Variants in MACROD2 observed in about 807,000 individuals in gnomAD.
The protein encoded by MACROD2 is mono-ADP ribosylhydrolase 2.
In MACROD2, 36 loss-of-function variants were observed where a neutral mutation model predicts 70.4. The observed-to-expected ratio is 0.51, with a 90% confidence interval of 0.39 to 0.68. The LOEUF (loss-of-function observed/expected upper bound fraction) is 0.68. Ranked by LOEUF, MACROD2 falls within the 30% of genes least tolerant of loss-of-function variation. The pLI is 0.00. For missense variants in MACROD2, 496 were observed against 538.4 expected, an observed-to-expected ratio of 0.92 and a Z score of 0.78; for synonymous variants, 172 against 178.8, an observed-to-expected ratio of 0.96 and a Z score of 0.30.
chr20:15,372,977 C>T (rs2146264655), intron 6 of MACROD2, among the ~76,000 whole-genome samples: 1 of 152,130 alleles, frequency 6.6e-6, no homozygotes, highest in African/African-American at 2.4e-5. Flanking sequence ...GCTTGAGACC[C>T]AGAGATTGAG....
intron 5 of MACROD2, among the ~76,000 whole-genome samples, chr20:15,170,924 A>G (rs1344726173): frequency 6.6e-6 from 1 of 152,190 alleles, no homozygotes; most frequent in Non-Finnish European, 1.5e-5. Flanking sequence ...AGAGATTGGC[A>G]GGGCTGTTGA....
At chr20:14,761,804 G>A (rs749249868) in intron 5 of MACROD2, among the ~76,000 whole-genome samples, 4 of 152,062 alleles carry the variant, frequency 2.6e-5, no homozygotes, top group Admixed American at 6.5e-5. Context: ...TGTAGTCCCC[G>A]CACATAAACC....
chr20:14,800,451 T>A (rs1028511716), intron 5 of MACROD2, among the ~76,000 whole-genome samples: 28 of 152,106 alleles, frequency 1.8e-4, no homozygotes, highest in African/African-American at 6.8e-4. Context: ...TGGGTGAAAA[T>A]CATTGCCTAC....
intron 6 of MACROD2, among the ~76,000 whole-genome samples, chr20:15,315,772 G>A (rs1725998240): frequency 6.6e-6 from 1 of 152,102 alleles, no homozygotes; most frequent in Admixed American, 6.6e-5. Context: ...TAAATGCATA[G>A]GTAAATGTAA....
At chr20:15,275,956 T>C (rs2077387144) in intron 6 of MACROD2, among the ~76,000 whole-genome samples, 1 of 152,136 alleles carries the variant, frequency 6.6e-6, no homozygotes, top group African/African-American at 2.4e-5. Flanking sequence ...CAGAAACTTG[T>C]AGTGGGAATG....
chr20:14,346,093 C>CAAAAAAAA (rs71190130), intron 3 of MACROD2, among the ~76,000 whole-genome samples: 9 of 41,172 alleles, frequency 2.2e-4, no homozygotes, highest in East Asian at 1.0e-3. Context: ...GATTCTGCCT[C>CAAAAAAAA]AAAAAAAAAA....
intron 8 of MACROD2, among the ~76,000 whole-genome samples, chr20:15,712,714 T>A (rs1448578067): frequency 6.6e-6 from 1 of 152,228 alleles, no homozygotes; most frequent in African/African-American, 2.4e-5. Context: ...CTTTATGGTC[T>A]CCTAACCTTG....
At chr20:15,687,630 G>T (rs554267013) in intron 8 of MACROD2, among the ~76,000 whole-genome samples, 2 of 152,222 alleles carry the variant, frequency 1.3e-5, no homozygotes, top group South Asian at 4.2e-4. Flanking sequence ...ACCACAGGAA[G>T]CTTGGGGTGC....
intron 8 of MACROD2, among the ~76,000 whole-genome samples, chr20:15,777,083 A>T (rs1054308726): frequency 6.6e-6 from 1 of 152,214 alleles, no homozygotes; most frequent in Non-Finnish European, 1.5e-5. Flanking sequence ...TGCTTGTTTA[A>T]GGAACTGCCT....
At chr20:14,864,910 A>G (rs1384257560) in intron 5 of MACROD2, among the ~76,000 whole-genome samples, 1 of 152,126 alleles carries the variant, frequency 6.6e-6, no homozygotes, top group Non-Finnish European at 1.5e-5. Flanking sequence ...ATAGGAGTTA[A>G]GTGATGCTTT....
intron 6 of MACROD2, among the ~76,000 whole-genome samples, chr20:15,335,911 G>A (rs2078043329): frequency 6.6e-6 from 1 of 151,530 alleles, no homozygotes; most frequent in Non-Finnish European, 1.5e-5. Context: ...CATGCCCAAG[G>A]GGTCTATTTG....
chr20:14,201,292 T>C (rs1342282692), intron 3 of MACROD2, among the ~76,000 whole-genome samples: 16 of 152,238 alleles, frequency 1.1e-4, no homozygotes, highest in Non-Finnish European at 2.2e-4. Context: ...CTATAAACTA[T>C]GCAATCAGCT....
intron 6 of MACROD2, among the ~76,000 whole-genome samples, chr20:15,374,244 CAT>C (rs1366295628): frequency 4.6e-5 from 7 of 151,602 alleles, no homozygotes; most frequent in Non-Finnish European, 4.4e-5. Context: ...TATATAATCA[CAT>C]ATGATTATAA....
At chr20:14,235,177 C>T (rs1167205558) in intron 3 of MACROD2, among the ~76,000 whole-genome samples, 1 of 152,024 alleles carries the variant, frequency 6.6e-6, no homozygotes, top group Non-Finnish European at 1.5e-5. Context: ...CTAATATTTT[C>T]AAACGTGAAG....
In MACROD2 at chr20:14,700,040, AGTTTAAAT is replaced by A. The variant is rs1467956885; in HGVS notation, c.418+15082_418+15089del. ...TTAAATCTAGAAGTTTAAAGTTTAA[AGTTTAAAT>A]CTAGAAGTTTAAAGTTTAAATCTAG... On this transcript the variant is annotated intron_variant, in intron 5 of 17. Coordinates refer to ENST00000684519, the MANE Select transcript of MACROD2 (RefSeq NM_001351661.2). 2.6e-5 allele frequency among the ~76,000 whole-genome samples: 4 copies of A among 151,838 alleles called. No homozygotes were observed. The East Asian group carries it at 5.8e-4, about 22-fold the overall frequency.
At chr20:15,957,970 T>C (rs538867613) in intron 12 of MACROD2, among the ~76,000 whole-genome samples, 2 of 152,316 alleles carry the variant, frequency 1.3e-5, no homozygotes, top group South Asian at 4.1e-4. Context: ...TTTGCAATGG[T>C]GCTTTATCAG....
At chr20:15,125,338 G>A (rs969467310) in intron 5 of MACROD2, among the ~76,000 whole-genome samples, 1 of 152,026 alleles carries the variant, frequency 6.6e-6, no homozygotes, top group Non-Finnish European at 1.5e-5. Context: ...GTAACCCTGA[G>A]TGAGCAGAAA....
chr20:15,180,977 T>C (rs1002688573), intron 5 of MACROD2, among the ~76,000 whole-genome samples: 1 of 152,238 alleles, frequency 6.6e-6, no homozygotes, highest in African/African-American at 2.4e-5. Flanking sequence ...TATGCAGTGG[T>C]CCCATTAATT....
intron 3 of MACROD2, among the ~76,000 whole-genome samples, chr20:14,113,578 A>T (rs1439023368): frequency 6.6e-6 from 1 of 152,066 alleles, no homozygotes; most frequent in Non-Finnish European, 1.5e-5. Context: ...GAGAAAGAGG[A>T]TGAATTCCAG....
Sources: allele counts gnomAD v4.1 joint callset (sites outside exome capture counted in the v4.1 genomes callset), GRCh38; gene constraint gnomAD v4.1.1; transcripts MANE v1.5; gene names NCBI Gene and HGNC (gene_info 2026-07-23, HGNC 2026-07-21).